SULF1: variants seen among roughly 807,000 people sequenced by gnomAD.
SULF1 encodes the protein extracellular sulfatase Sulf-1.
A neutral mutation model predicts 110.5 loss-of-function variants in SULF1; 46 were observed. That is an observed-to-expected ratio of 0.42 (90% CI 0.33 to 0.53). The LOEUF is 0.53. Ranked by LOEUF, SULF1 falls within the 20% of genes least tolerant of loss-of-function variation. The pLI, the probability that SULF1 is intolerant of heterozygous loss-of-function variation, is 0.12. For synonymous variants in SULF1, 371 were observed against 387.1 expected, an observed-to-expected ratio of 0.96 and a Z score of 0.49; for missense variants, 941 against 1,094.2, an observed-to-expected ratio of 0.86 and a Z score of 1.98.
chr8:69,482,091 G>A (rs377747707), intron 1 of SULF1, among the ~76,000 whole-genome samples: 1 of 152,148 alleles, frequency 6.6e-6, no homozygotes, highest in Non-Finnish European at 1.5e-5. Flanking sequence ...ATAGCAAACT[G>A]TTGAAATGAG....
intron 3 of SULF1, among the ~76,000 whole-genome samples, chr8:69,553,685 T>C (rs1379691553): frequency 6.6e-6 from 1 of 152,252 alleles, no homozygotes; most frequent in Admixed American, 6.5e-5. Context: ...TGTGTTTGGC[T>C]AATCCACCCA....
chr8:69,629,414 A>T, intron 18 of SULF1, 90 bp from the exon 19 acceptor site: 17 of 1,344,406 alleles, frequency 1.3e-5, no homozygotes, highest in Non-Finnish European at 1.7e-5. Context: ...AAGGCATCTA[A>T]ATATTTGTGC....
chr8:69,628,376 A>G (rs974660327), intron 18 of SULF1, 140 bp downstream of exon 18: 7 of 692,438 alleles, frequency 1.0e-5, no homozygotes, highest in African/African-American at 9.0e-5. Flanking sequence ...CACCTAGCTC[A>G]TGAAGTTGAA....
chr8:69,509,512 G>A (rs1051344546), intron 3 of SULF1, among the ~76,000 whole-genome samples: 3 of 152,160 alleles, frequency 2.0e-5, no homozygotes, highest in African/African-American at 7.2e-5. Flanking sequence ...ATTCAGCTGA[G>A]GGTTGACTTC....
chr8:69,563,261 TC>T (rs986567589), intron 3 of SULF1: 3 of 152,220 alleles, frequency 2.0e-5, no homozygotes, highest in African/African-American at 7.2e-5. Context: ...GATCGTCAGC[TC>T]TGTTGGGGAT....
At chr8:69,623,281 GA>G (rs1178809881) in intron 14 of SULF1, among the ~76,000 whole-genome samples, 3 of 152,068 alleles carry the variant, frequency 2.0e-5, no homozygotes, top group Non-Finnish European at 2.9e-5. Flanking sequence ...TTGCCTCTTT[GA>G]AAAAGCAGCC....
At chr8:69,600,574 T>C (rs562877819) in intron 8 of SULF1, 29 bp from the exon 9 acceptor site, 3 of 1,579,240 alleles carry the variant, frequency 1.9e-6, no homozygotes, top group African/African-American at 2.7e-5. Flanking sequence ...AAGAAATATA[T>C]AGTAAGATTC....
chr8:69,547,059 A>G (rs1376117481), intron 3 of SULF1, among the ~76,000 whole-genome samples: 2 of 152,250 alleles, frequency 1.3e-5, no homozygotes, highest in African/African-American at 4.8e-5. Flanking sequence ...GTTGACAATT[A>G]TAAAACAACA....
chr8:69,653,814 TGGAGATTGCAAGG>T (rs1812528018), intron 22 of SULF1, among the ~76,000 whole-genome samples: 1 of 152,174 alleles, frequency 6.6e-6, no homozygotes, highest in Non-Finnish European at 1.5e-5. Context: ...CTTATCTCCC[TGGAGATTGCAAGG>T]GCGTTAGGAT....
At chr8:69,514,601 A>G (rs2150597190) in intron 3 of SULF1, among the ~76,000 whole-genome samples, 1 of 152,330 alleles carries the variant, frequency 6.6e-6, no homozygotes, top group Non-Finnish European at 1.5e-5. Flanking sequence ...TAGCCCCCTA[A>G]AGTGGGGGAG....
intron 1 of SULF1, among the ~76,000 whole-genome samples, chr8:69,472,599 C>T (rs1439448903): frequency 3.3e-5 from 5 of 152,200 alleles, no homozygotes; most frequent in Non-Finnish European, 7.3e-5. Flanking sequence ...CTGGTCTGCA[C>T]CTGCCCTCAG....
intron 9 of SULF1, 50 bp from the exon 10 acceptor site, chr8:69,601,604 A>G (rs1807810758): frequency 2.7e-6 from 4 of 1,489,432 alleles, no homozygotes; most frequent in African/African-American, 1.4e-5. Context: ...ATTGAGCATC[A>G]TCTTATACCA....
chr8:69,561,754 T>A (rs145265194), intron 3 of SULF1, among the ~76,000 whole-genome samples: 83 of 152,340 alleles, frequency 5.4e-4, no homozygotes, highest in African/African-American at 1.9e-3. Flanking sequence ...TTTTGCTACT[T>A]AAGGAACCAA....
In SULF1 at chr8:69,609,310, C is replaced by A. The variant is rs188021372; in HGVS notation, c.1377+4378C>A. Among the ~76,000 whole-genome samples, 65 of 152,314 alleles carry A rather than the reference C, an allele frequency of 4.3e-4. 1 individual carries two copies. The highest frequency in any genetic ancestry group is 1.5e-3 in the African/African-American group (62 of 41,566). On this transcript the variant is annotated intron_variant, in intron 13 of 22. Transcript: ENST00000402687. ...GCAGTGAGCCGTGATCGTGCCACTG[C>A]ACCCCAGCCTGGGCGACTGAGTGAG...
intron 3 of SULF1, among the ~76,000 whole-genome samples, chr8:69,517,101 G>A (rs773455458): frequency 2.0e-5 from 3 of 152,192 alleles, no homozygotes; most frequent in Non-Finnish European, 4.4e-5. Context: ...AAGTCCAAGA[G>A]CATGGTGCCA....
intron 2 of SULF1, among the ~76,000 whole-genome samples, chr8:69,498,404 G>C (rs1487696233): frequency 6.6e-6 from 1 of 152,080 alleles, no homozygotes; most frequent in Non-Finnish European, 1.5e-5. Flanking sequence ...GGATCCATCG[G>C]TGACTCAGAT....
intron 19 of SULF1, among the ~76,000 whole-genome samples, chr8:69,630,972 C>T (rs967802288): frequency 4.0e-5 from 6 of 151,636 alleles, no homozygotes; most frequent in Non-Finnish European, 5.9e-5. Flanking sequence ...TCCCCCCTGC[C>T]CCCACCCTGC....
At chr8:69,628,571 C>T (rs1010421157) in intron 18 of SULF1, among the ~76,000 whole-genome samples, 15 of 152,160 alleles carry the variant, frequency 9.9e-5, no homozygotes, top group African/African-American at 3.4e-4. Context: ...TCTCTCGATG[C>T]AGTTGGTGTT....
At chr8:69,471,960 G>A (rs1404200154) in intron 1 of SULF1, among the ~76,000 whole-genome samples, 1 of 151,632 alleles carries the variant, frequency 6.6e-6, no homozygotes, top group African/African-American at 2.4e-5. Flanking sequence ...CAAAGGCAGG[G>A]GAATAAGGAA....
Sources: gnomAD v4.1 joint callset for allele counts (sites outside exome capture counted in the v4.1 genomes callset) on GRCh38, gnomAD v4.1.1 for gene constraint, MANE v1.5 for transcripts, NCBI Gene and HGNC (gene_info 2026-07-23, HGNC 2026-07-21) for gene names.